Variants in DSC1 observed in about 807,000 individuals in gnomAD.
DSC1 encodes desmocollin-1.
A neutral mutation model predicts 98.8 loss-of-function variants in DSC1; 79 were observed. The ratio of observed to expected loss-of-function variants is 0.80; its 90% CI spans 0.67 to 0.96. The LOEUF (loss-of-function observed/expected upper bound fraction) is 0.96, where lower values mean the gene tolerates loss of function less well. Among genes scored for constraint, DSC1 ranks in the 50% least tolerant of loss-of-function variants. The probability of loss-of-function intolerance (pLI) is 0.00; values close to 1 mark genes in which losing one functional copy is unlikely to be tolerated. For missense variants in DSC1, 1,115 were observed against 1,075.9 expected (o/e 1.04, Z -0.51); for synonymous variants, 405 against 372.1 (o/e 1.09, Z -1.02).
intron 2 of DSC1, among the ~76,000 whole-genome samples, chr18:31,159,064 T>TTTTTTTTTTTTTTTTG (rs1398116576): frequency 1.0e-5 from 1 of 99,782 alleles, no homozygotes; most frequent in Non-Finnish European, 2.2e-5. Context: ...TTTTTTTTTT[T>TTTTTTTTTTTTTTTTG]GAGACAGAGT....
chr18:31,140,422 T>A, intron 9 of DSC1, 121 bp from the exon 10 acceptor site: 1 of 1,090,474 alleles, frequency 9.2e-7, no homozygotes, highest in Non-Finnish European at 1.3e-6. Flanking sequence ...AAGTTAGGTC[T>A]AATACAGTTA....
rs1457660772 is a variant in DSC1, at chr18:31,142,077, G to A, written c.1182C>T (p.Ile394=). ...AGTTTCCATTTTCATTTCCTTGTAGGATTTTGTATACAGCCTTTGAGTGAG... is the reference window on the plus strand; with the variant it reads ...AGTTTCCATTTTCATTTCCTTGTAGAATTTTGTATACAGCCTTTGAGTGAG... ...NTPHSKAVYK[I]LQGNENGNFI... The change falls in exon 9 of 16, where the codon ATC becomes ATT. Residue 394 remains isoleucine, a synonymous_variant. Coordinates refer to ENST00000257198, the MANE Select transcript of DSC1 (RefSeq NM_024421.2). The A allele has an allele frequency of 1.2e-6, 2 of 1,612,880 alleles. No homozygotes were observed. The highest frequency in any genetic ancestry group is 1.7e-4 in the Middle Eastern group (1 of 6,054).
At chr18:31,138,344 C>T (rs1027283655) in intron 11 of DSC1, among the ~76,000 whole-genome samples, 6 of 152,006 alleles carry the variant, frequency 3.9e-5, no homozygotes, top group African/African-American at 9.7e-5. Context: ...CTTAACTGAT[C>T]GCCACTTCTG....
intron 15 of DSC1, among the ~76,000 whole-genome samples, chr18:31,131,032 G>C (rs1988477292): frequency 6.6e-6 from 1 of 152,138 alleles, no homozygotes; most frequent in African/African-American, 2.4e-5. Context: ...TCACGTATTT[G>C]AGGAAAACCA....
chr18:31,159,442 C>T lies in DSC1; in HGVS notation c.148+3G>A. 1 of 1,612,412 alleles carries T rather than the reference C, an allele frequency of 6.2e-7. No individual in the cohort carries two copies. Among genetic ancestry groups the T allele is most frequent in the Non-Finnish European group, 8.5e-7 (1 of 1,179,302 alleles). On this transcript the variant is annotated splice_donor_region_variant and intron_variant, in intron 2 of 15. Coordinates refer to ENST00000257198, the MANE Select transcript of DSC1 (RefSeq NM_024421.2). ...CTATGAAACTGTTAATAGTGTTTCT[C>T]ACCTTTGCCTACAAGTGTTTCAGCC...
chr18:31,131,914 A>G lies in DSC1; in HGVS notation c.2239-72T>C. 3.2e-6 allele frequency: 5 copies of G among 1,538,812 alleles called. No individual in the cohort carries two copies. In the South Asian group the frequency reaches 6.1e-5, roughly 19 times the overall value. ...TAACAATTCATTTTCATTTTTTTTC[A>G]CCATAGGCAAATCACTTGCCTGCTG... On this transcript the variant is annotated intron_variant, in intron 14 of 15. Coordinates refer to ENST00000257198, the MANE Select transcript of DSC1 (RefSeq NM_024421.2).
intron 5 of DSC1, among the ~76,000 whole-genome samples, chr18:31,149,296 C>T (rs1218453892): frequency 3.3e-5 from 5 of 152,140 alleles, no homozygotes; most frequent in Admixed American, 2.6e-4. Context: ...ATTTTCATCC[C>T]TCATGGGAAC....
intron 1 of DSC1, among the ~76,000 whole-genome samples, chr18:31,161,041 AT>A (rs1378482160): frequency 1.3e-5 from 2 of 152,136 alleles, no homozygotes; most frequent in Non-Finnish European, 2.9e-5. Flanking sequence ...GGTATACACC[AT>A]GATTTATATA....
chr18:31,134,725 G>T lies in DSC1; in HGVS notation c.1723C>A (p.Pro575Thr). 2 of 1,613,200 alleles carry T rather than the reference G, an allele frequency of 1.2e-6. No homozygotes were observed. The highest frequency in any genetic ancestry group is 1.1e-5 in the South Asian group (1 of 91,018). Residue 575 changes from proline (P) to threonine (T), a missense_variant, in exon 12 of 16, where the codon CCT becomes ACT. Pro to Thr is a conservative substitution (Grantham distance 38). Coordinates refer to ENST00000257198, the MANE Select transcript of DSC1 (RefSeq NM_024421.2). ...VHLDDYNDHA[P>T]QIDKEVTICQ... ...ATGGTCACTTCTTTGTCAATTTGAG[G>T]TGCGTGATCGTTGTAATCATCCAAA...
rs770263674 is a variant in DSC1, at chr18:31,145,691, T to G, written c.859A>C (p.Ile287Leu). The G allele has an allele frequency of 6.2e-7, 1 of 1,614,206 alleles. No individual in the cohort carries two copies. The highest frequency in any genetic ancestry group is 1.1e-5 in the South Asian group (1 of 91,072). The change falls in exon 7 of 16, where the codon ATC (isoleucine) becomes CTC (leucine). Residue 287 changes from isoleucine (I) to leucine (L), a missense_variant. Transcript: ENST00000257198. ...TRLKYKILQQ[I>L]PDHPKHFSIH... ...GAGAAATGCTTTGGATGATCTGGGA[T>G]TTGTTGTAAGATTTTATATTTCAGA...
chr18:31,140,404 G>A, intron 9 of DSC1, 103 bp from the exon 10 acceptor site: 1 of 1,265,762 alleles, frequency 7.9e-7, no homozygotes, highest in Non-Finnish European at 1.1e-6. Flanking sequence ...CATTTAAAAT[G>A]TAACCTAAAG....
intron 1 of DSC1, among the ~76,000 whole-genome samples, chr18:31,161,948 A>G (rs1989218082): frequency 6.6e-6 from 1 of 152,166 alleles, no homozygotes; most frequent in Admixed American, 6.5e-5. Context: ...CCTCACCTCC[A>G]AAGAAAAAAT....
intron 5 of DSC1, among the ~76,000 whole-genome samples, chr18:31,153,249 C>G (rs1234883283): frequency 6.6e-6 from 1 of 152,040 alleles, no homozygotes; most frequent in Non-Finnish European, 1.5e-5. Flanking sequence ...TTGCAACATA[C>G]AGAGTATGAG....
rs1988968245 is a variant in DSC1 at position 31,150,384 on chromosome 18, C to CCGTTGT, written c.628-1743_628-1742insACAACG. 5.0e-4 allele frequency among the ~76,000 whole-genome samples: 4 copies of CCGTTGT among 8,042 alleles called. 1 individual carries two copies. The highest frequency in any genetic ancestry group is 3.7e-3 in the Admixed American group (3 of 802). 5.3% of individuals were successfully genotyped at this position (8,042 alleles called of 152,430 possible). On this transcript the variant is annotated intron_variant, in intron 5 of 15. Transcript: ENST00000257198. Reference sequence around the variant, plus strand: ...ATCATCACCACCACCATCATCACCACCATCACCACCATTATCACCACCACC... The same window carrying CCGTTGT: ...ATCATCACCACCACCATCATCACCACCGTTGTCATCACCACCATTATCACCACCACC...
At chr18:31,157,727 C>G (rs1989128664) in intron 2 of DSC1, among the ~76,000 whole-genome samples, 154 bp from the exon 3 acceptor site, 1 of 152,078 alleles carries the variant, frequency 6.6e-6, no homozygotes, top group Non-Finnish European at 1.5e-5. Context: ...AACGTGGGGG[C>G]CATGAAAATT....
intron 2 of DSC1, among the ~76,000 whole-genome samples, chr18:31,158,205 T>C (rs1291557222): frequency 2.6e-5 from 4 of 152,148 alleles, no homozygotes; most frequent in Admixed American, 6.5e-5. Context: ...AGGTGAAGGT[T>C]GCAGTGAGCA....
intron 11 of DSC1, among the ~76,000 whole-genome samples, chr18:31,135,752 C>T (rs925972315): frequency 5.9e-5 from 9 of 151,792 alleles, no homozygotes; most frequent in Non-Finnish European, 8.8e-5. Flanking sequence ...ATGTCAAATC[C>T]CACCATTTGT....
intron 6 of DSC1, among the ~76,000 whole-genome samples, chr18:31,146,465 C>T (rs1568000936): frequency 6.6e-6 from 1 of 152,160 alleles, no homozygotes; most frequent in Non-Finnish European, 1.5e-5. Context: ...TTGTGTACTA[C>T]ATTTTCTTTA....
At chr18:31,151,488 A>G (rs1988999533) in intron 5 of DSC1, among the ~76,000 whole-genome samples, 1 of 152,202 alleles carries the variant, frequency 6.6e-6, no homozygotes, top group African/African-American at 2.4e-5. Flanking sequence ...CAATAATAAT[A>G]TACTTAAGTG....
Sources: gnomAD v4.1 joint callset for allele counts (sites outside exome capture counted in the v4.1 genomes callset) on GRCh38, gnomAD v4.1.1 for gene constraint, MANE v1.5 for transcripts, NCBI Gene and HGNC (gene_info 2026-07-23, HGNC 2026-07-21) for gene names.